Variants in CPHXL2 observed in about 807,000 individuals in gnomAD.
CPHXL2 encodes cytoplasmic polyadenylated homeobox like 2, also known as cytoplasmic polyadenylated homeobox-like protein 2.
the CPHXL2 span, among the ~76,000 whole-genome samples, chr16:75,675,480 C>T: frequency 6.6e-6 from 1 of 152,054 alleles, no homozygotes; most frequent in East Asian, 1.9e-4. Flanking sequence ...ATCATCTTTT[C>T]AACAAATGGT....
chr16:75,660,689 G>A, the CPHXL2 span: 282 of 398,520 alleles, frequency 7.1e-4, no homozygotes, highest in Non-Finnish European at 9.9e-4. Flanking sequence ...CACCTTGAGC[G>A]TAATCCAAAA....
At chr16:75,669,413 T>C in the CPHXL2 span, 4 of 400,676 alleles carry the variant, frequency 1.0e-5, no homozygotes, top group Middle Eastern at 3.1e-4. Context: ...GTTTTCCTAG[T>C]GGTGAAATCA....
At chr16:75,676,432 C>G in the CPHXL2 span, among the ~76,000 whole-genome samples, 7 of 152,152 alleles carry the variant, frequency 4.6e-5, no homozygotes, top group Non-Finnish European at 7.3e-5. Context: ...CAGATGATCC[C>G]TCCTGCCTCA....
chr16:75,670,782 C>T, the CPHXL2 span, among the ~76,000 whole-genome samples: 543 of 152,324 alleles, frequency 3.6e-3, 2 homozygotes, highest in Non-Finnish European at 6.2e-3. Flanking sequence ...CAGGCATGAG[C>T]CACCACGCCA....
the CPHXL2 span, among the ~76,000 whole-genome samples, chr16:75,665,799 A>G: frequency 1.3e-5 from 2 of 152,224 alleles, no homozygotes; most frequent in Admixed American, 1.3e-4. Flanking sequence ...GGGGAGGAAG[A>G]GGTTGCAGTG....
At chr16:75,676,816 C>T in the CPHXL2 span, among the ~76,000 whole-genome samples, 1 of 152,206 alleles carries the variant, frequency 6.6e-6, no homozygotes, top group East Asian at 1.9e-4. Flanking sequence ...AATGCCTAGT[C>T]CTATCTAAAA....
chr16:75,662,683 C>T, the CPHXL2 span, among the ~76,000 whole-genome samples: 1 of 151,978 alleles, frequency 6.6e-6, no homozygotes, highest in Non-Finnish European at 1.5e-5. Flanking sequence ...TTTCTCTCCC[C>T]TAGAAAGAGG....
chr16:75,673,019 G>A, the CPHXL2 span, among the ~76,000 whole-genome samples: 1 of 147,980 alleles, frequency 6.8e-6, no homozygotes, highest in Admixed American at 7.0e-5. Flanking sequence ...AGGCTGCAGT[G>A]AGCCGTGCAC....
the CPHXL2 span, among the ~76,000 whole-genome samples, chr16:75,666,977 G>A: frequency 1.3e-5 from 2 of 152,096 alleles, no homozygotes; most frequent in African/African-American, 2.4e-5. Context: ...GTTCGTGAAT[G>A]ATCATTGGGT....
chr16:75,668,443 G>T, the CPHXL2 span, among the ~76,000 whole-genome samples: 2 of 151,996 alleles, frequency 1.3e-5, no homozygotes, highest in Admixed American at 6.6e-5. Flanking sequence ...TGGTCAGGCT[G>T]GTCTCAAACT....
chr16:75,676,793 G>A, the CPHXL2 span, among the ~76,000 whole-genome samples: 1 of 152,022 alleles, frequency 6.6e-6, no homozygotes, highest in African/African-American at 2.4e-5. Flanking sequence ...ATCATAATTG[G>A]GTTTAATTTT....
At chr16:75,669,297 C>G in the CPHXL2 span, 4 of 388,070 alleles carry the variant, frequency 1.0e-5, no homozygotes, top group Middle Eastern at 6.3e-4. Flanking sequence ...GACTGGGCGA[C>G]TGGAGTGAGA....
At chr16:75,670,884 C>T in the CPHXL2 span, among the ~76,000 whole-genome samples, 1 of 152,166 alleles carries the variant, frequency 6.6e-6, no homozygotes, top group African/African-American at 2.4e-5. Context: ...TTCTTTTCCC[C>T]CTCACTCAGT....
the CPHXL2 span, among the ~76,000 whole-genome samples, chr16:75,662,371 C>A: frequency 6.9e-6 from 1 of 143,998 alleles, no homozygotes; most frequent in East Asian, 2.0e-4. Context: ...CTTCATTGCA[C>A]AGGCATGATT....
chr16:75,672,627 A>G, the CPHXL2 span, among the ~76,000 whole-genome samples: 2 of 152,154 alleles, frequency 1.3e-5, no homozygotes, highest in African/African-American at 4.8e-5. Flanking sequence ...AAGTAGGACT[A>G]CAGGCTTGCA....
At chr16:75,674,228 C>CTGG in the CPHXL2 span, among the ~76,000 whole-genome samples, 2 of 147,804 alleles carry the variant, frequency 1.4e-5, no homozygotes, top group African/African-American at 5.3e-5. Flanking sequence ...AAAAAATTAG[C>CTGG]CGGGTGTGGT....
chr16:75,671,259 T>G, the CPHXL2 span, among the ~76,000 whole-genome samples: 1 of 150,804 alleles, frequency 6.6e-6, no homozygotes, highest in Non-Finnish European at 1.5e-5. Context: ...ATTCGGGAGG[T>G]TGAGGTGGGA....
chr16:75,660,674 G>A, the CPHXL2 span: 370 of 398,622 alleles, frequency 9.3e-4, 1 homozygote, highest in Admixed American at 4.8e-3. Flanking sequence ...TCTTCACCCC[G>A]TAAGCACCTT....
chr16:75,664,800 TG>T, the CPHXL2 span, among the ~76,000 whole-genome samples: 1 of 151,804 alleles, frequency 6.6e-6, no homozygotes, highest in Non-Finnish European at 1.5e-5. Context: ...ATCATGGGAG[TG>T]GTACTGGTGG....
Sources: gnomAD v4.1 joint callset for allele counts (sites outside exome capture counted in the v4.1 genomes callset) on GRCh38, gnomAD v4.1.1 for gene constraint, MANE v1.5 for transcripts, NCBI Gene and HGNC (gene_info 2026-07-23, HGNC 2026-07-21) for gene names.